PLD5: variants seen among roughly 807,000 people sequenced by gnomAD.
PLD5 encodes inactive phospholipase D5.
Under a neutral mutation model 61.1 loss-of-function variants are expected in PLD5, and 36 were observed. The ratio of observed to expected loss-of-function variants is 0.59; its 90% CI spans 0.45 to 0.78. The LOEUF (loss-of-function observed/expected upper bound fraction) is 0.78, where lower values mean the gene tolerates loss of function less well. Among genes scored for constraint, PLD5 ranks in the 30% least tolerant of loss-of-function variants. The pLI is 0.00. For missense variants in PLD5, 515 were observed against 644.4 expected, an observed-to-expected ratio of 0.80 and a Z score of 2.17; for synonymous variants, 243 against 242.8, an observed-to-expected ratio of 1.00 and a Z score of -0.01.
chr1:242,367,447 C>T (rs1661406443), intron 1 of PLD5, among the ~76,000 whole-genome samples: 1 of 152,160 alleles, frequency 6.6e-6, no homozygotes, highest in South Asian at 2.1e-4. Context: ...TCCTTCTGCC[C>T]TCTCTGTTGA....
intron 1 of PLD5, among the ~76,000 whole-genome samples, chr1:242,416,966 T>C (rs548181153): frequency 4.6e-5 from 7 of 152,164 alleles, no homozygotes; most frequent in Admixed American, 6.5e-5. Flanking sequence ...TCACAACAAA[T>C]ATTTCTGCAC....
At position 242,113,996 on chromosome 1, in the gene PLD5, T is replaced by C; in HGVS notation, c.964A>G (p.Arg322Gly). The change falls in exon 7 of 10, where the codon AGA (arginine) becomes GGA (glycine). Residue 322 changes from arginine (R) to glycine (G), a missense_variant. By Grantham distance (125) the Arg-to-Gly change is moderately radical (BLOSUM62 -2). Transcript: ENST00000536534. ...TAGATGGCATCTATGTCAAAACTTC[T>C]GTTTTTAGGGCAAAAGAGTTTTGGA... ...NSPKLFCPKN[R>G]SFDIDAIYSV... 3 of 1,613,948 alleles carry C rather than the reference T, an allele frequency of 1.9e-6. No individual in the cohort carries two copies. Among genetic ancestry groups the C allele is most frequent in the Non-Finnish European group, 2.5e-6 (3 of 1,179,888 alleles).
chr1:242,451,351 A>G (rs1279852388), intron 1 of PLD5, among the ~76,000 whole-genome samples: 1 of 151,950 alleles, frequency 6.6e-6, no homozygotes, highest in Admixed American at 6.6e-5. Flanking sequence ...ACATTGAATC[A>G]TACATTGTCT....
chr1:242,382,128 C>CAAAAAAAAAAAAAAAAAAAAAAAAA (rs34582650), intron 1 of PLD5, among the ~76,000 whole-genome samples: 1 of 125,592 alleles, frequency 8.0e-6, no homozygotes, highest in African/African-American at 3.0e-5. Flanking sequence ...ACTTTGACAG[C>CAAAAAAAAAAAAAAAAAAAAAAAAA]AAAAAAAAAA....
Position 242,255,838 on chromosome 1 carries a change from C to T in PLD5, c.607+9499G>A, listed in dbSNP as rs370681376. ...TAGCTAAAAGAACACCAGAACTCAA[C>T]GATTTAAAAATACAGTGTTATTAAC... On this transcript the variant is annotated intron_variant, in intron 4 of 9. Transcript: ENST00000536534. Among the ~76,000 whole-genome samples, 89 of 152,148 alleles carry T rather than the reference C, an allele frequency of 5.8e-4. 1 individual carries two copies. In the East Asian group the frequency reaches 0.01, roughly 18 times the overall value.
rs147866737 is a variant in PLD5 at position 242,448,708 on chromosome 1, C to T, written c.189+75380G>A. Among the ~76,000 whole-genome samples, 480 of 152,268 alleles carry T rather than the reference C, an allele frequency of 3.2e-3. 16 individuals carry two copies. In the East Asian group the frequency reaches 0.079, roughly 25 times the overall value. Reference sequence around the variant, plus strand: ...TCTAAAACCTCATCTAAAGACCTCACGTTTACGTTAAGGATCACCTCATCC... The same window carrying T: ...TCTAAAACCTCATCTAAAGACCTCATGTTTACGTTAAGGATCACCTCATCC... On this transcript the variant is annotated intron_variant, in intron 1 of 9. Coordinates refer to ENST00000536534, the MANE Select transcript of PLD5 (RefSeq NM_001372062.1).
At chr1:242,393,160 C>T (rs561974647) in intron 1 of PLD5, among the ~76,000 whole-genome samples, 11 of 149,746 alleles carry the variant, frequency 7.3e-5, no homozygotes, top group African/African-American at 2.2e-4. Context: ...GCTGAGATCA[C>T]GCCACTGAAC....
chr1:242,164,030 A>G (rs1346215483), intron 5 of PLD5, among the ~76,000 whole-genome samples: 1 of 151,994 alleles, frequency 6.6e-6, no homozygotes, highest in Non-Finnish European at 1.5e-5. Flanking sequence ...CTTTTTAGGG[A>G]GTCAATTTTG....
At chr1:242,397,187 G>A (rs773962682) in intron 1 of PLD5, among the ~76,000 whole-genome samples, 1 of 151,898 alleles carries the variant, frequency 6.6e-6, no homozygotes, top group Non-Finnish European at 1.5e-5. Flanking sequence ...CATAGACCTC[G>A]TTGGACCCTT....
chr1:242,225,972 C>T (rs918635732), intron 4 of PLD5, among the ~76,000 whole-genome samples: 2 of 152,214 alleles, frequency 1.3e-5, no homozygotes, highest in Non-Finnish European at 2.9e-5. Context: ...CCCAAAGCGT[C>T]TGTACCAGTT....
intron 1 of PLD5, among the ~76,000 whole-genome samples, chr1:242,486,478 C>A (rs1349629639): frequency 2.0e-5 from 3 of 152,118 alleles, no homozygotes; most frequent in African/African-American, 7.2e-5. Flanking sequence ...CATCACTGGC[C>A]ATCAGAGAAA....
chr1:242,278,040 T>C (rs1674509393), intron 3 of PLD5, among the ~76,000 whole-genome samples: 1 of 152,244 alleles, frequency 6.6e-6, no homozygotes, highest in African/African-American at 2.4e-5. Flanking sequence ...AGCCTATGTA[T>C]ACAAATTATG....
intron 2 of PLD5, among the ~76,000 whole-genome samples, chr1:242,338,037 T>C (rs1659626731): frequency 6.6e-6 from 1 of 152,174 alleles, no homozygotes; most frequent in African/African-American, 2.4e-5. Context: ...TGCAACCTGT[T>C]CTAAATGTCT....
rs1675943582 is a variant in PLD5 at position 242,300,207 on chromosome 1, G to A, written c.327-11677C>T. Among the ~76,000 whole-genome samples, 2 of 152,184 alleles carry A rather than the reference G, an allele frequency of 1.3e-5. 1 individual carries two copies. Among genetic ancestry groups the A allele is most frequent in the South Asian group, 4.1e-4 (2 of 4,828 alleles). On this transcript the variant is annotated intron_variant, in intron 2 of 9. Coordinates refer to ENST00000536534, the MANE Select transcript of PLD5 (RefSeq NM_001372062.1). ...TAATCCCAGCACTTTGGGAGGCCAAGGCGGGTGGATCACCTGAGGTCAGGA... is the reference window on the plus strand; with the variant it reads ...TAATCCCAGCACTTTGGGAGGCCAAAGCGGGTGGATCACCTGAGGTCAGGA...
At chr1:242,399,820 G>T (rs1014867125) in intron 1 of PLD5, among the ~76,000 whole-genome samples, 1 of 152,136 alleles carries the variant, frequency 6.6e-6, no homozygotes, top group Admixed American at 6.5e-5. Flanking sequence ...ATTACCACGG[G>T]AGCGCAAACC....
At chr1:242,101,539 A>G (rs1182321786) in intron 8 of PLD5, among the ~76,000 whole-genome samples, 2 of 152,198 alleles carry the variant, frequency 1.3e-5, no homozygotes, top group Non-Finnish European at 2.9e-5. Flanking sequence ...GCTCACTGGA[A>G]GACACTAGTC....
intron 5 of PLD5, among the ~76,000 whole-genome samples, chr1:242,140,571 A>G (rs1664087862): frequency 6.6e-6 from 1 of 152,146 alleles, no homozygotes; most frequent in African/African-American, 2.4e-5. Flanking sequence ...CAGGGGGTTG[A>G]GGTTGCAGTG....
chr1:242,366,590 A>G (rs1661352769), intron 1 of PLD5, among the ~76,000 whole-genome samples: 1 of 152,204 alleles, frequency 6.6e-6, no homozygotes, highest in Non-Finnish European at 1.5e-5. Flanking sequence ...ACAAATTACC[A>G]TTACCATTTA....
intron 5 of PLD5, among the ~76,000 whole-genome samples, chr1:242,193,624 T>C (rs888278048): frequency 2.6e-5 from 4 of 152,244 alleles, no homozygotes; most frequent in Non-Finnish European, 4.4e-5. Flanking sequence ...AACAGGTCAT[T>C]ATTCTCAGGG....
Sources: allele counts gnomAD v4.1 joint callset (sites outside exome capture counted in the v4.1 genomes callset), GRCh38; gene constraint gnomAD v4.1.1; transcripts MANE v1.5; gene names NCBI Gene and HGNC (gene_info 2026-07-23, HGNC 2026-07-21).